GABBR2: variants seen among roughly 807,000 people sequenced by gnomAD.
The protein encoded by GABBR2 is G-protein coupled receptor 51.
GABBR2 carries 23 observed loss-of-function variants against 105.6 expected under a neutral mutation model. That is an observed-to-expected ratio of 0.22 (90% confidence interval 0.16 to 0.31). The LOEUF (loss-of-function observed/expected upper bound fraction) is 0.31. Ranked by LOEUF, GABBR2 falls within the 10% of genes least tolerant of loss-of-function variation. The probability of loss-of-function intolerance (pLI) is 1.00; values close to 1 mark genes in which losing one functional copy is unlikely to be tolerated. For synonymous variants in GABBR2, 478 were observed against 499.7 expected (o/e 0.96, Z 0.58); for missense variants, 734 against 1,245.5 (o/e 0.59, Z 6.18).
At chr9:98,399,649 A>G (rs1832355358) in intron 8 of GABBR2, among the ~76,000 whole-genome samples, 1 of 152,218 alleles carries the variant, frequency 6.6e-6, no homozygotes, top group Non-Finnish European at 1.5e-5. Flanking sequence ...GTGACAGGAA[A>G]TAATTGTTGA....
chr9:98,377,166 T>TC, intron 11 of GABBR2, among the ~76,000 whole-genome samples: 1 of 147,176 alleles, frequency 6.8e-6, no homozygotes, highest in East Asian at 2.1e-4. Context: ...AGAAGGTGCC[T>TC]CAGGACTGGA....
At position 98,415,778 on chromosome 9, in the gene GABBR2, C is replaced by T. The variant is rs1418842896; in HGVS notation, c.1237-9637G>A. On this transcript the variant is annotated intron_variant, in intron 7 of 18. Transcript: ENST00000259455. Reference sequence around the variant, plus strand: ...AGAGCCTGAGAGGTCAGGACTTTGCCTAGGGTCACATAACGAGTAGGCAAA... The same window carrying T: ...AGAGCCTGAGAGGTCAGGACTTTGCTTAGGGTCACATAACGAGTAGGCAAA... Among the ~76,000 whole-genome samples, 57 of 152,170 alleles carry T rather than the reference C, an allele frequency of 3.7e-4. 1 individual carries two copies. The highest frequency in any genetic ancestry group is 3.7e-3 in the Admixed American group (57 of 15,266).
intron 7 of GABBR2, among the ~76,000 whole-genome samples, chr9:98,432,887 T>C (rs888798375): frequency 9.9e-5 from 15 of 152,084 alleles, no homozygotes; most frequent in African/African-American, 3.4e-4. Context: ...CCACCACTCA[T>C]AAAGGCTAGA....
chr9:98,668,262 T>C (rs1830362251), intron 1 of GABBR2, among the ~76,000 whole-genome samples: 1 of 152,244 alleles, frequency 6.6e-6, no homozygotes, highest in South Asian at 2.1e-4. Flanking sequence ...GTGGCTTTGA[T>C]TTTCAGACAT....
intron 7 of GABBR2, among the ~76,000 whole-genome samples, chr9:98,423,862 G>C (rs1276880529): frequency 6.6e-6 from 1 of 151,902 alleles, no homozygotes. Flanking sequence ...TTAAATAGGG[G>C]ATCCTTTCCC....
chr9:98,377,312 G>C lies in GABBR2; in HGVS notation c.1663-5741C>G, dbSNP rs189178245. On this transcript the variant is annotated intron_variant, in intron 11 of 18. Coordinates refer to ENST00000259455, the MANE Select transcript of GABBR2 (RefSeq NM_005458.8). ...AAGACGTGGACAAGTGGGCGTCAGG[G>C]CCAGAGAGGAAGGACTGAGTGGCCA... Among the ~76,000 whole-genome samples, 362 of 152,296 alleles carry C rather than the reference G, an allele frequency of 2.4e-3. 8 individuals are homozygous for C. The highest frequency in any genetic ancestry group is 0.021 in the Admixed American group (325 of 15,308).
chr9:98,498,025 C>A (rs778993232), intron 3 of GABBR2, among the ~76,000 whole-genome samples: 4 of 152,198 alleles, frequency 2.6e-5, no homozygotes, highest in Non-Finnish European at 5.9e-5. Context: ...GTGGTGTATA[C>A]AGACAGTGAA....
intron 7 of GABBR2, among the ~76,000 whole-genome samples, chr9:98,410,167 A>C (rs1237839082): frequency 1.3e-5 from 2 of 150,966 alleles, no homozygotes; most frequent in African/African-American, 5.0e-5. Context: ...TTCTCCCAGC[A>C]CATGTAGTCT....
chr9:98,495,640 C>T (rs1422323966), intron 4 of GABBR2, among the ~76,000 whole-genome samples: 1 of 152,158 alleles, frequency 6.6e-6, no homozygotes, highest in Non-Finnish European at 1.5e-5. Flanking sequence ...GCATGGCTAC[C>T]CTACCCTCTG....
chr9:98,558,412 G>A (rs1345387866), intron 2 of GABBR2, among the ~76,000 whole-genome samples: 1 of 152,188 alleles, frequency 6.6e-6, no homozygotes, highest in East Asian at 1.9e-4. Context: ...TATTAGTTAT[G>A]TCTACAATTA....
intron 17 of GABBR2, among the ~76,000 whole-genome samples, chr9:98,298,348 T>A (rs2131342770): frequency 6.6e-6 from 1 of 152,304 alleles, no homozygotes; most frequent in East Asian, 1.9e-4. Context: ...CCCCAAATAA[T>A]GAACATTTAA....
intron 6 of GABBR2, among the ~76,000 whole-genome samples, chr9:98,455,402 A>G (rs1463993994): frequency 6.6e-6 from 1 of 150,632 alleles, no homozygotes; most frequent in Non-Finnish European, 1.5e-5. Flanking sequence ...CTTTGGAAAA[A>G]CCCTCCTTGG....
At chr9:98,477,230 C>T (rs999984326) in intron 5 of GABBR2, among the ~76,000 whole-genome samples, 1 of 152,120 alleles carries the variant, frequency 6.6e-6, no homozygotes, top group African/African-American at 2.4e-5. Context: ...TTTACTTGGT[C>T]ACCTTGATTT....
intron 1 of GABBR2, among the ~76,000 whole-genome samples, chr9:98,632,583 G>A (rs577172898): frequency 6.6e-5 from 10 of 152,298 alleles, no homozygotes; most frequent in East Asian, 5.8e-4. Flanking sequence ...CCTGGCTGTC[G>A]TGGGATTCTG....
chr9:98,659,526 CTTTTT>C (rs149511264), intron 1 of GABBR2, among the ~76,000 whole-genome samples: 2 of 35,190 alleles, frequency 5.7e-5, no homozygotes, highest in Non-Finnish European at 1.1e-4. Context: ...CTTTTCTTTT[CTTTTT>C]TTTTTTTTTT....
chr9:98,469,765 C>G (rs1337445743), intron 6 of GABBR2, among the ~76,000 whole-genome samples: 2 of 152,216 alleles, frequency 1.3e-5, no homozygotes, highest in African/African-American at 4.8e-5. Flanking sequence ...CCCTTCCCCT[C>G]TCTGGCTCTT....
At chr9:98,550,277 G>A (rs534680451) in intron 2 of GABBR2, among the ~76,000 whole-genome samples, 6 of 152,254 alleles carry the variant, frequency 3.9e-5, no homozygotes, top group East Asian at 1.9e-4. Flanking sequence ...AAATTGGGGC[G>A]AAAGCACAAA....
rs79181593 is a variant in GABBR2 at position 98,526,676 on chromosome 9, G to A, written c.630+15197C>T. Among the ~76,000 whole-genome samples, 20 of 152,242 alleles carry A rather than the reference G, an allele frequency of 1.3e-4. No individual in the cohort carries two copies. The East Asian group carries it at 3.5e-3, about 26-fold the overall frequency. On this transcript the variant is annotated intron_variant, in intron 3 of 18. Coordinates refer to ENST00000259455, the MANE Select transcript of GABBR2 (RefSeq NM_005458.8). ...TGTTTCACTCACTGATGTGTCTACA[G>A]CACCTAGAATGGTGACCAACACAAG... is the stretch of plus-strand genomic sequence containing the variant.
chr9:98,602,628 C>T (rs1424367127), intron 1 of GABBR2, among the ~76,000 whole-genome samples: 1 of 152,018 alleles, frequency 6.6e-6, no homozygotes, highest in African/African-American at 2.4e-5. Flanking sequence ...GGAAGCACAC[C>T]CTGCAATAAC....
Sources: allele counts gnomAD v4.1 joint callset (sites outside exome capture counted in the v4.1 genomes callset), GRCh38; gene constraint gnomAD v4.1.1; transcripts MANE v1.5; gene names NCBI Gene and HGNC (gene_info 2026-07-23, HGNC 2026-07-21).